The following PRELID2 variants were observed in gnomAD, a reference collection of about 807,000 sequenced individuals.
PRELID2 encodes the protein PRELI domain containing 2.
PRELID2 carries 25 observed loss-of-function variants against 28.4 expected under a neutral mutation model. That is an observed-to-expected ratio of 0.88 (90% confidence interval 0.64 to 1.23). PRELID2 has a LOEUF of 1.23. PRELID2 is among the 50% of genes most tolerant of loss of function. The pLI is 0.00. For missense variants in PRELID2, 201 were observed against 214.4 expected, an observed-to-expected ratio of 0.94 and a Z score of 0.39; for synonymous variants, 76 against 71.6, an observed-to-expected ratio of 1.06 and a Z score of -0.31.
At chr5:145,390,579 T>C in the PRELID2 span, among the ~76,000 whole-genome samples, 1 of 152,188 alleles carries the variant, frequency 6.6e-6, no homozygotes, top group African/African-American at 2.4e-5. Flanking sequence ...GTGGGGATTA[T>C]TGGAACTACA....
intron 5 of PRELID2, among the ~76,000 whole-genome samples, chr5:145,768,945 A>AG (rs1561586810): frequency 1.3e-5 from 2 of 152,178 alleles, no homozygotes; most frequent in African/African-American, 4.8e-5. Flanking sequence ...AGAAAAAAAA[A>AG]CACCTAACAG....
the PRELID2 span, among the ~76,000 whole-genome samples, chr5:145,297,794 C>A: frequency 5.9e-5 from 9 of 151,976 alleles, no homozygotes; most frequent in Non-Finnish European, 1.2e-4. Flanking sequence ...AATCAAGGTA[C>A]AAAAATCACA....
At position 145,739,916 on chromosome 5, in the gene PRELID2, T is replaced by A. The variant is rs774827752; in HGVS notation, n.70+25015A>T. ...TATCCAAATACCTAAAGAAAGTTTT[T>A]AAAAAAGAAAGAAAACAAAGAAAAA... is the stretch of plus-strand genomic sequence containing the variant. On this transcript the variant is annotated intron_variant and non_coding_transcript_variant, in intron 1 of 2. Transcript: ENST00000510259. Among the ~76,000 whole-genome samples the A allele has an allele frequency of 2.0e-4, 30 of 150,026 alleles. 1 individual carries two copies. The highest frequency in any genetic ancestry group is 6.3e-4 in the South Asian group (3 of 4,734).
rs540462665 is a variant in PRELID2, at chr5:145,501,756, C to A, written n.71-28441G>T. On this transcript the variant is annotated intron_variant and non_coding_transcript_variant, in intron 1 of 2. Transcript: ENST00000510259. ...AAAACAGACTAATACAGACCTAATT[C>A]ATAAGTGTCACCTCTGTGACATTTT... 2.6e-5 allele frequency among the ~76,000 whole-genome samples: 4 copies of A among 152,230 alleles called. No individual in the cohort carries two copies. The Middle Eastern group carries it at 0.014, about 518-fold the overall frequency.
chr5:145,771,976 A>T (rs566191942), intron 5 of PRELID2, among the ~76,000 whole-genome samples: 1 of 152,324 alleles, frequency 6.6e-6, no homozygotes, highest in East Asian at 1.9e-4. Context: ...GTAAGAGAAT[A>T]CTGCATGACA....
the PRELID2 span, among the ~76,000 whole-genome samples, chr5:145,265,758 A>G: frequency 1.1e-4 from 17 of 152,208 alleles, no homozygotes; most frequent in African/African-American, 4.1e-4. Context: ...GGCAAGCCAC[A>G]TGTAGAAGAA....
At chr5:145,752,704 C>T (rs1757156277), downstream of PRELID2, among the ~76,000 whole-genome samples, 1 of 152,188 alleles carries the variant, frequency 6.6e-6, no homozygotes, top group South Asian at 2.1e-4. Flanking sequence ...TCTCCTCACC[C>T]CACATCCTGT....
intron 1 of PRELID2, among the ~76,000 whole-genome samples, chr5:145,559,072 G>A (rs1176798988): frequency 6.6e-6 from 1 of 152,058 alleles, no homozygotes; most frequent in African/African-American, 2.4e-5. Context: ...GGCTAACATG[G>A]TGAAACCCCG....
chr5:145,741,279 GTATATATAAATAAAT>G (rs1165540599), intron 1 of PRELID2, among the ~76,000 whole-genome samples: 32 of 102,398 alleles, frequency 3.1e-4, no homozygotes, highest in African/African-American at 1.2e-3. Context: ...TATATTTTAT[GTATATATAAATAAAT>G]TATATATAAA....
the PRELID2 span, among the ~76,000 whole-genome samples, chr5:145,332,491 G>A: frequency 6.6e-6 from 1 of 151,500 alleles, no homozygotes; most frequent in South Asian, 2.1e-4. Context: ...CTCTAATCCT[G>A]TCTTCACATT....
Position 145,556,194 on chromosome 5 carries a change from A to G in PRELID2, n.71-82879T>C, listed in dbSNP as rs531313611. Among the ~76,000 whole-genome samples, 292 of 145,828 alleles carry G rather than the reference A, an allele frequency of 2.0e-3. 1 individual carries two copies. The highest frequency in any genetic ancestry group is 6.8e-3 in the African/African-American group (242 of 35,850). ...CTCTATCTCAAAAAAAAAAAAAAAA[A>G]AAAGAAAAGAAAAGAAAACTTTTAC... On this transcript the variant is annotated intron_variant and non_coding_transcript_variant, in intron 1 of 2. Transcript: ENST00000510259.
At chr5:145,276,513 T>G in the PRELID2 span, among the ~76,000 whole-genome samples, 2 of 152,158 alleles carry the variant, frequency 1.3e-5, no homozygotes, top group East Asian at 3.9e-4. Context: ...GCCAACAAAA[T>G]TCACTATGTA....
chr5:145,605,058 G>T (rs1753484302), intron 1 of PRELID2, among the ~76,000 whole-genome samples: 1 of 151,214 alleles, frequency 6.6e-6, no homozygotes, highest in South Asian at 2.1e-4. Context: ...GCTTTAAAGG[G>T]ATTCTGGATA....
chr5:145,634,900 T>C (rs948054507), intron 1 of PRELID2, among the ~76,000 whole-genome samples: 1 of 152,192 alleles, frequency 6.6e-6, no homozygotes, highest in Non-Finnish European at 1.5e-5. Context: ...GATCAAAGCT[T>C]AGCCCAGTCT....
chr5:145,754,990 C>T (rs1406248518), downstream of PRELID2, among the ~76,000 whole-genome samples: 4 of 152,138 alleles, frequency 2.6e-5, no homozygotes, highest in Non-Finnish European at 5.9e-5. Flanking sequence ...AAAATCATTG[C>T]ACCCAGATCA....
At chr5:145,297,052 T>A in the PRELID2 span, among the ~76,000 whole-genome samples, 1 of 152,124 alleles carries the variant, frequency 6.6e-6, no homozygotes, top group Non-Finnish European at 1.5e-5. Flanking sequence ...TGTTTTTTCC[T>A]TGTAAATTTG....
At chr5:145,500,565 C>T (rs969269559) in intron 1 of PRELID2, among the ~76,000 whole-genome samples, 20 of 152,140 alleles carry the variant, frequency 1.3e-4, no homozygotes. Flanking sequence ...TCTGAGCTGA[C>T]ATTCATCAGC....
chr5:145,763,839 A>G (rs911941153), intron 6 of PRELID2, among the ~76,000 whole-genome samples: 2 of 152,168 alleles, frequency 1.3e-5, no homozygotes, highest in African/African-American at 4.8e-5. Flanking sequence ...GCACTTTGGG[A>G]GGCTGAGGCA....
intron 1 of PRELID2, among the ~76,000 whole-genome samples, chr5:145,575,498 T>A (rs927145664): frequency 6.6e-6 from 1 of 152,116 alleles, no homozygotes; most frequent in Non-Finnish European, 1.5e-5. Context: ...AAACACAAGA[T>A]AGATAGCAGA....
Sources: allele counts gnomAD v4.1 joint callset (sites outside exome capture counted in the v4.1 genomes callset), GRCh38; gene constraint gnomAD v4.1.1; transcripts MANE v1.5; gene names NCBI Gene and HGNC (gene_info 2026-07-23, HGNC 2026-07-21).